Variants in KIF17 observed in about 807,000 individuals in gnomAD.
KIF17 encodes the protein kinesin-like protein KIF17.
A neutral mutation model predicts 96.8 loss-of-function variants in KIF17; 80 were observed. The observed-to-expected ratio is 0.83, with a 90% CI of 0.69 to 1.00. The LOEUF is 1.00. Among genes scored for constraint, KIF17 ranks in the 50% least tolerant of loss-of-function variants. The pLI is 0.00. For missense variants in KIF17, 1,280 were observed against 1,372.9 expected (o/e 0.93, Z 1.07); for synonymous variants, 567 against 587.5 (o/e 0.97, Z 0.51).
At chr1:20,711,364 C>T (rs973227162) in intron 3 of KIF17, among the ~76,000 whole-genome samples, 5 of 152,116 alleles carry the variant, frequency 3.3e-5, no homozygotes, top group Admixed American at 2.6e-4. Context: ...CCCCCTCCAC[C>T]GCGCTCCCAA....
chr1:20,692,145 C>T (rs1356300485), intron 6 of KIF17, among the ~76,000 whole-genome samples: 1 of 152,162 alleles, frequency 6.6e-6, no homozygotes, highest in Non-Finnish European at 1.5e-5. Context: ...GCCCTGCCTC[C>T]CCCTCAACTG....
intron 13 of KIF17, among the ~76,000 whole-genome samples, chr1:20,669,888 A>C (rs2053608514): frequency 3.5e-5 from 5 of 144,646 alleles, no homozygotes; most frequent in Admixed American, 2.1e-4. Context: ...AAAAAAAAAA[A>C]AAAAAAAAAA....
chr1:20,666,223 TC>T lies in KIF17; in HGVS notation c.2898del (p.Lys967ArgfsTer73). 1.9e-6 allele frequency: 3 copies of T among 1,613,258 alleles called. No homozygotes were observed. The highest frequency in any genetic ancestry group is 2.5e-6 in the Non-Finnish European group (3 of 1,179,160). On this transcript the variant is annotated frameshift_variant, in exon 14 of 15. Coordinates refer to ENST00000400463, the MANE Select transcript of KIF17 (RefSeq NM_001122819.3). LOFTEE classifies it high-confidence loss of function. Reference sequence around the variant, plus strand: ...GGGGAGGGACACTCACTGAGGCTCTTCCTGGCGTCTGTGCTGAGGATCTGGC... The same window carrying T: ...GGGGAGGGACACTCACTGAGGCTCTTCTGGCGTCTGTGCTGAGGATCTGGC... ...RASQILSTDA[R>X]KSLTHHNSPP...
intron 13 of KIF17, among the ~76,000 whole-genome samples, chr1:20,669,077 C>T (rs1245072781): frequency 6.6e-6 from 1 of 151,702 alleles, no homozygotes; most frequent in Non-Finnish European, 1.5e-5. Flanking sequence ...ATAATAACAA[C>T]TTTCATATCA....
intron 11 of KIF17, among the ~76,000 whole-genome samples, chr1:20,673,533 A>ATTTTT (rs35306944): frequency 0.014 from 1,900 of 134,744 alleles, 48 homozygotes; most frequent in African/African-American, 0.048. Context: ...AGCCTGCTCC[A>ATTTTT]TTTTTTTTTT....
intron 10 of KIF17, among the ~76,000 whole-genome samples, chr1:20,684,221 GCAGCAGCTTGCTC>G (rs1338829292): frequency 4.6e-5 from 7 of 152,228 alleles, no homozygotes; most frequent in African/African-American, 1.7e-4. Flanking sequence ...TGGGGCTGAG[GCAGCAGCTTGCTC>G]ATCCTTGTGT....
At chr1:20,716,678 G>T (rs2054583908) in intron 1 of KIF17, among the ~76,000 whole-genome samples, 1 of 152,224 alleles carries the variant, frequency 6.6e-6, no homozygotes, top group African/African-American at 2.4e-5. Flanking sequence ...GGAGGGACTA[G>T]GGGAGGGGTG....
chr1:20,666,071 C>T (rs1039781518), intron 14 of KIF17, 143 bp downstream of exon 14: 3 of 747,388 alleles, frequency 4.0e-6, no homozygotes, highest in Non-Finnish European at 7.2e-6. Context: ...GTTGGTGTTA[C>T]CCCCCTCATT....
chr1:20,713,702 C>T (rs927428116), intron 2 of KIF17, 147 bp from the exon 3 acceptor site: 19 of 698,506 alleles, frequency 2.7e-5, no homozygotes, highest in African/African-American at 1.9e-4. Flanking sequence ...CAACCCAACC[C>T]GCCCTGCTGG....
At chr1:20,665,503 G>A (rs1231029080) in intron 14 of KIF17, among the ~76,000 whole-genome samples, 3 of 149,440 alleles carry the variant, frequency 2.0e-5, no homozygotes, top group Admixed American at 6.7e-5. Context: ...AAGCTCAAGC[G>A]ATTCTCCTGC....
chr1:20,682,953 G>C, intron 10 of KIF17, 69 bp from the exon 11 acceptor site: 2 of 1,416,788 alleles, frequency 1.4e-6, no homozygotes, highest in Non-Finnish European at 2.0e-6. Flanking sequence ...CATCCAGCAG[G>C]CTCCAGGCTA....
rs1325380635 is a variant in KIF17 at position 20,717,737 on chromosome 1, G to C, written c.-31C>G. The C allele has an allele frequency of 2.3e-5, 35 of 1,525,218 alleles. No homozygotes were observed. The highest frequency in any genetic ancestry group is 3.0e-5 in the Non-Finnish European group (34 of 1,143,156). The allele number at this position is 1,525,218 out of a possible 1,614,324, so 94.5% of individuals were successfully genotyped here. On this transcript the variant is annotated 5_prime_UTR_variant, in exon 1 of 15. Coordinates refer to ENST00000400463, the MANE Select transcript of KIF17 (RefSeq NM_001122819.3). ...CGCGCCCAGGACCAACGGGACCAGA[G>C]CTGACCCCCGCCCCGCCGGGGACTC...
chr1:20,668,557 T>C (rs1318288466), intron 13 of KIF17, among the ~76,000 whole-genome samples: 1 of 152,266 alleles, frequency 6.6e-6, no homozygotes, highest in African/African-American at 2.4e-5. Flanking sequence ...AATCAAGCTC[T>C]AGACCACCAT....
At chr1:20,713,658 G>A (rs10916851) in intron 2 of KIF17, 103 bp from the exon 3 acceptor site, 149,210 of 826,096 alleles carry the variant, frequency 0.18, 15,889 homozygotes, top group East Asian at 0.39. Flanking sequence ...GGACATCATG[G>A]GAGGAGAAGG....
At chr1:20,698,511 CA>C in intron 5 of KIF17, 23 bp from the exon 6 acceptor site, 1 of 1,526,182 alleles carries the variant, frequency 6.6e-7, no homozygotes, top group Non-Finnish European at 9.1e-7. Context: ...CAGAAATTAG[CA>C]GCCAGGATGA....
chr1:20,697,394 G>GC (rs2054161067), intron 6 of KIF17, among the ~76,000 whole-genome samples: 1 of 152,144 alleles, frequency 6.6e-6, no homozygotes, highest in Admixed American at 6.5e-5. Context: ...GATCTCTTGA[G>GC]CCCAGGAGTT....
In KIF17 at chr1:20,687,930, C is replaced by T. The variant is rs1030234102; in HGVS notation, c.1396G>A (p.Val466Met). 4 of 1,613,602 alleles carry T rather than the reference C, an allele frequency of 2.5e-6. No homozygotes were observed. Among genetic ancestry groups the T allele is most frequent in the Non-Finnish European group, 3.4e-6 (4 of 1,180,020 alleles). Residue 466 changes from valine to methionine, a missense_variant, in exon 8 of 15, where the codon GTG becomes ATG. By Grantham distance (21) the Val-to-Met change is conservative. Coordinates refer to ENST00000400463, the MANE Select transcript of KIF17 (RefSeq NM_001122819.3). This position sits in a 1 kb window ranked among gnomAD's most constrained non-coding sequence, Gnocchi z 4.4. Reference protein sequence around the residue: ...LRKETEAVLQVGVLYKAEVMS... With the variant: ...LRKETEAVLQMGVLYKAEVMS... ...ACCTCAGCCTTGTAGAGGACTCCCA[C>T]CTGCAGGACAGCCTCTGCAAAATGG...
intron 14 of KIF17, 102 bp downstream of exon 14, chr1:20,666,112 G>A: frequency 1.1e-6 from 1 of 887,190 alleles, no homozygotes; most frequent in Non-Finnish European, 1.9e-6. Context: ...GCTCCGAGAG[G>A]GAAAGGAGTT....
Position 20,704,857 on chromosome 1 carries a change from AG to A in KIF17, c.712del (p.Leu238TrpfsTer55). The A allele has an allele frequency of 6.2e-7, 1 of 1,603,436 alleles. No individual in the cohort carries two copies. Among genetic ancestry groups the A allele is most frequent in the Non-Finnish European group, 8.5e-7 (1 of 1,179,892 alleles). ...CCGCTCGCTGCCCGCCAGGTCCACCAGGTTCAGCTTGCCCGCCCGGAGGTGG... is the reference window on the plus strand; with the variant it reads ...CCGCTCGCTGCCCGCCAGGTCCACCAGTTCAGCTTGCCCGCCCGGAGGTGG... ...KDHLRAGKLN[L>X]VDLAGSERQS... On this transcript the variant is annotated frameshift_variant, in exon 5 of 15. Transcript: ENST00000400463. LOFTEE classifies it high-confidence loss of function. This position sits in a 1 kb window ranked among gnomAD's most constrained non-coding sequence, Gnocchi z 6.8.
Sources: allele counts gnomAD v4.1 joint callset (sites outside exome capture counted in the v4.1 genomes callset), GRCh38; gene constraint gnomAD v4.1.1; non-coding constraint Gnocchi (gnomAD v3.1); transcripts MANE v1.5; gene names NCBI Gene and HGNC (gene_info 2026-07-23, HGNC 2026-07-21).